Variants in EEFSEC observed in about 807,000 individuals in gnomAD.
The protein encoded by EEFSEC is eukaryotic elongation factor, selenocysteine-tRNA specific, also known as selenocysteine-specific elongation factor.
EEFSEC carries 43 observed loss-of-function variants against 42.1 expected under a neutral mutation model. The ratio of observed to expected loss-of-function variants is 1.02; its 90% confidence interval spans 0.80 to 1.32. The LOEUF (loss-of-function observed/expected upper bound fraction) is 1.32, where lower values mean the gene tolerates loss of function less well. Ranked by LOEUF, EEFSEC falls within the 40% of genes most tolerant of loss-of-function variation. EEFSEC has a pLI of 0.00. For synonymous variants in EEFSEC, 354 were observed against 339.1 expected (o/e 1.04, Z -0.48); for missense variants, 745 against 803.6 (o/e 0.93, Z 0.88).
At chr3:128,206,733 T>C (rs1021364564) in intron 1 of EEFSEC, among the ~76,000 whole-genome samples, 5 of 152,166 alleles carry the variant, frequency 3.3e-5, no homozygotes, top group African/African-American at 1.2e-4. Context: ...ATCCTCATAG[T>C]GACCTGTAAG....
intron 4 of EEFSEC, among the ~76,000 whole-genome samples, chr3:128,306,066 T>C (rs377572133): frequency 2.6e-5 from 4 of 152,368 alleles, no homozygotes; most frequent in African/African-American, 7.2e-5. Context: ...TTGGTTTTTT[T>C]CCCCTCTTTG....
intron 1 of EEFSEC, among the ~76,000 whole-genome samples, chr3:128,164,892 A>G (rs1278068987): frequency 6.6e-6 from 1 of 152,146 alleles, no homozygotes; most frequent in Non-Finnish European, 1.5e-5. Context: ...AGGGCCTGTC[A>G]TTCCTCTCAT....
chr3:128,366,920 G>T (rs920908374), intron 6 of EEFSEC, among the ~76,000 whole-genome samples: 2 of 152,108 alleles, frequency 1.3e-5, no homozygotes, highest in East Asian at 3.9e-4. Context: ...CCACAGACGC[G>T]GTGGCTTAAA....
intron 1 of EEFSEC, among the ~76,000 whole-genome samples, chr3:128,156,084 T>C (rs1944376572): frequency 1.3e-5 from 2 of 152,228 alleles, no homozygotes; most frequent in South Asian, 4.1e-4. Flanking sequence ...TTTAGTGTTG[T>C]CTAGTAAATA....
In EEFSEC at chr3:128,232,109, G is replaced by A. The variant is rs1053549799; in HGVS notation, c.317-14727G>A. 2.6e-5 allele frequency among the ~76,000 whole-genome samples: 4 copies of A among 152,040 alleles called. No homozygotes were observed. In the East Asian group the frequency reaches 7.7e-4, roughly 29 times the overall value. ...TGTCTGCCAAAATCCTGTATAACTC[G>A]TATCATCTCCCAAGCTGTTATAGTA... On this transcript the variant is annotated intron_variant, in intron 1 of 6. Coordinates refer to ENST00000254730, the MANE Select transcript of EEFSEC (RefSeq NM_021937.5).
chr3:128,402,913 T>C (rs748622134), intron 6 of EEFSEC, among the ~76,000 whole-genome samples: 1 of 152,160 alleles, frequency 6.6e-6, no homozygotes, highest in African/African-American at 2.4e-5. Context: ...CAACAGTGAA[T>C]AGACAAAACT....
intron 4 of EEFSEC, among the ~76,000 whole-genome samples, chr3:128,306,203 G>GC (rs2066825122): frequency 1.3e-5 from 2 of 152,086 alleles, no homozygotes; most frequent in Non-Finnish European, 2.9e-5. Context: ...TGATCCAACG[G>GC]CTTTTAAAAA....
At chr3:128,194,531 C>T (rs1160387440) in intron 1 of EEFSEC, among the ~76,000 whole-genome samples, 1 of 152,158 alleles carries the variant, frequency 6.6e-6, no homozygotes, top group Non-Finnish European at 1.5e-5. Context: ...ATAAGTTCTG[C>T]TTTGTGATTT....
chr3:128,254,407 C>T (rs767468906), intron 2 of EEFSEC, among the ~76,000 whole-genome samples: 1 of 152,184 alleles, frequency 6.6e-6, no homozygotes, highest in Non-Finnish European at 1.5e-5. Flanking sequence ...GAGTTCCACA[C>T]GGCACTTTTA....
chr3:128,315,121 C>T (rs2066930916), intron 4 of EEFSEC, among the ~76,000 whole-genome samples: 1 of 152,174 alleles, frequency 6.6e-6, no homozygotes, highest in African/African-American at 2.4e-5. Flanking sequence ...TCAATGCTAC[C>T]ACTTCCTTGC....
chr3:128,169,419 G>C (rs558969029), intron 1 of EEFSEC, among the ~76,000 whole-genome samples: 5 of 152,332 alleles, frequency 3.3e-5, no homozygotes, highest in African/African-American at 1.2e-4. Flanking sequence ...GGAAGTCCCA[G>C]TTTTGCTGAA....
intron 4 of EEFSEC, among the ~76,000 whole-genome samples, chr3:128,291,266 C>G (rs954833273): frequency 1.3e-5 from 2 of 152,102 alleles, no homozygotes; most frequent in African/African-American, 4.8e-5. Context: ...GCACATGTTG[C>G]TGTCTATGGT....
At chr3:128,307,479 G>C (rs575622927) in intron 4 of EEFSEC, among the ~76,000 whole-genome samples, 1 of 152,318 alleles carries the variant, frequency 6.6e-6, no homozygotes, top group South Asian at 2.1e-4. Context: ...TGGAAGTTAA[G>C]GCCTGGCTCC....
intron 4 of EEFSEC, among the ~76,000 whole-genome samples, chr3:128,297,007 T>C (rs543563020): frequency 1.5e-4 from 23 of 152,190 alleles, no homozygotes; most frequent in African/African-American, 5.5e-4. Flanking sequence ...CTGCAGTCTT[T>C]CTGTTAAGAG....
At chr3:128,316,814 G>A (rs2108029617) in intron 4 of EEFSEC, among the ~76,000 whole-genome samples, 1 of 152,328 alleles carries the variant, frequency 6.6e-6, no homozygotes, top group African/African-American at 2.4e-5. Flanking sequence ...CCCCTCCCAT[G>A]ACATACGACA....
chr3:128,153,701 G>A lies in EEFSEC; in HGVS notation c.194G>A (p.Arg65Gln), dbSNP rs763092386. Residue 65 changes from arginine to glutamine, a missense_variant, in exon 1 of 7, where the codon CGG becomes CAG. Arg to Gln is a conservative substitution (Grantham distance 43). Coordinates refer to ENST00000254730, the MANE Select transcript of EEFSEC (RefSeq NM_021937.5). ...CFSVPLPARL[R>Q]SSLPEFQAAP... ...TCGGTGCCGCTGCCCGCGCGCCTGC[G>A]GTCGTCTTTGCCCGAGTTCCAGGCA... 18 of 1,588,348 alleles carry A rather than the reference G, an allele frequency of 1.1e-5. No individual in the cohort carries two copies. Among genetic ancestry groups the A allele is most frequent in the Admixed American group, 1.7e-5 (1 of 59,124 alleles).
intron 5 of EEFSEC, among the ~76,000 whole-genome samples, chr3:128,345,225 C>T (rs1267020174): frequency 6.6e-6 from 1 of 152,188 alleles, no homozygotes. Context: ...TCTCCTACTG[C>T]ATCGTTATTG....
intron 4 of EEFSEC, among the ~76,000 whole-genome samples, chr3:128,274,748 C>T (rs1364475818): frequency 6.6e-6 from 1 of 152,182 alleles, no homozygotes; most frequent in African/African-American, 2.4e-5. Flanking sequence ...TCCACTGTGC[C>T]CTGCAGGAAC....
At chr3:128,400,062 G>T (rs1057168212) in intron 6 of EEFSEC, among the ~76,000 whole-genome samples, 2 of 152,100 alleles carry the variant, frequency 1.3e-5, no homozygotes, top group Non-Finnish European at 2.9e-5. Flanking sequence ...GGACACTTCT[G>T]CCCTTGCCAG....
Sources: gnomAD v4.1 joint callset for allele counts (sites outside exome capture counted in the v4.1 genomes callset) on GRCh38, gnomAD v4.1.1 for gene constraint, MANE v1.5 for transcripts, NCBI Gene and HGNC (gene_info 2026-07-23, HGNC 2026-07-21) for gene names.